The following MYH15 variants were observed in gnomAD, a reference collection of about 807,000 sequenced individuals.
MYH15 encodes myosin heavy chain 15, also known as myosin-15.
MYH15 carries 227 observed loss-of-function variants against 240.5 expected under a neutral mutation model. That is an observed-to-expected ratio of 0.94 (90% confidence interval 0.85 to 1.05). The LOEUF is 1.05. Among genes scored for constraint, MYH15 ranks in the 50% least tolerant of loss-of-function variants. MYH15 has a pLI of 0.00. For missense variants in MYH15, 2,217 were observed against 2,247.5 expected (o/e 0.99, Z 0.27); for synonymous variants, 785 against 796.7 (o/e 0.99, Z 0.25).
chr3:108,519,416 C>G (rs1358855646), intron 1 of MYH15, among the ~76,000 whole-genome samples: 1 of 152,140 alleles, frequency 6.6e-6, no homozygotes, highest in Non-Finnish European at 1.5e-5. Flanking sequence ...TCTTTAATAA[C>G]AGCTGGCTCA....
At chr3:108,543,003 C>T in the MYH15 span, among the ~76,000 whole-genome samples, 1 of 151,738 alleles carries the variant, frequency 6.6e-6, no homozygotes, top group Non-Finnish European at 1.5e-5. Context: ...GCCTCAGCCT[C>T]CTGAGTAGCT....
At chr3:108,517,744 A>G (rs2083585980) in intron 1 of MYH15, among the ~76,000 whole-genome samples, 2 of 152,248 alleles carry the variant, frequency 1.3e-5, no homozygotes, top group Admixed American at 1.3e-4. Flanking sequence ...CTGGGATTAC[A>G]GGTGTGAGCC....
Position 108,500,167 on chromosome 3 carries a change from G to A in MYH15, c.447C>T (p.Pro149=). The change falls in exon 4 of 41, where the codon CCC becomes CCT. Residue 149 remains proline, a synonymous_variant. Transcript: ENST00000693548. ...TATTGGCAACAGCAAAGATGTGAGG[G>A]GGAGCCTCTGATCGCCTCTTCCCTT... The part of the protein sequence containing the change: ...AYKGKRRSEA[P]PHIFAVANNA... The A allele has an allele frequency of 2.5e-6, 4 of 1,614,078 alleles. No homozygotes were observed. Among genetic ancestry groups the A allele is most frequent in the Non-Finnish European group, 2.5e-6 (3 of 1,179,960 alleles).
intron 25 of MYH15, among the ~76,000 whole-genome samples, chr3:108,431,977 T>C (rs1560356672): frequency 6.6e-6 from 1 of 152,144 alleles, no homozygotes; most frequent in Non-Finnish European, 1.5e-5. Flanking sequence ...TTCAGAGATA[T>C]GACTTAGGGT....
chr3:108,426,962 C>T (rs1221184059), intron 27 of MYH15, among the ~76,000 whole-genome samples: 1 of 152,218 alleles, frequency 6.6e-6, no homozygotes. Context: ...CCCTTTGTCA[C>T]CTCTTTTTTC....
intron 1 of MYH15, among the ~76,000 whole-genome samples, chr3:108,507,314 A>T (rs7616593): frequency 6.9e-6 from 1 of 145,364 alleles, no homozygotes; most frequent in Non-Finnish European, 1.5e-5. Context: ...AGCTCACAGA[A>T]GTCCCCAGGT....
In MYH15 at chr3:108,410,823, C is replaced by G. The variant is rs769342956; in HGVS notation, c.4255G>C (p.Asp1419His). 6 of 1,613,928 alleles carry G rather than the reference C, an allele frequency of 3.7e-6. No homozygotes were observed. In the East Asian group the frequency reaches 1.3e-4, roughly 36 times the overall value. ...ACCTTCCCGAGGTCAGACAGGGCGT[C>G]CCCGAGCTCCAGCTGCAGCTGGTGC... ...ARHQLQLELG[D>H]ALSDLGKVRS... is the part of the protein sequence containing the mutation. Residue 1419 changes from aspartate to histidine, a missense_variant, in exon 31 of 41, where the codon GAC (aspartate) becomes CAC (histidine). Physicochemically the swap from Asp to His is moderately conservative, Grantham distance 81. Coordinates refer to ENST00000693548, the MANE Select transcript of MYH15 (RefSeq NM_014981.3).
chr3:108,522,728 A>G (rs529899790), intron 1 of MYH15, among the ~76,000 whole-genome samples: 27 of 152,244 alleles, frequency 1.8e-4, no homozygotes, highest in Non-Finnish European at 4.0e-4. Flanking sequence ...AATGTTTTAT[A>G]GCGTTTACTA....
the MYH15 span, among the ~76,000 whole-genome samples, chr3:108,539,225 T>C: frequency 1.8e-3 from 268 of 152,316 alleles, 3 homozygotes; most frequent in Admixed American, 3.3e-3. Context: ...TCTCATATTA[T>C]TGAGTGAAAG....
chr3:108,508,247 T>C (rs987613635), intron 1 of MYH15, among the ~76,000 whole-genome samples: 8 of 152,162 alleles, frequency 5.3e-5, no homozygotes, highest in African/African-American at 1.9e-4. Flanking sequence ...TTACCACCCC[T>C]GGAAACACTT....
intron 29 of MYH15, 51 bp downstream of exon 29, chr3:108,416,761 A>T (rs2399232): frequency 0.065 from 796 of 12,184 alleles, 8 homozygotes; most frequent in East Asian, 0.5. Context: ...CTATTTTTTA[A>T]AAAAAAAAAC....
At chr3:108,480,325 C>CAA (rs1241605857) in intron 11 of MYH15, among the ~76,000 whole-genome samples, 4 of 152,156 alleles carry the variant, frequency 2.6e-5, no homozygotes, top group Admixed American at 2.6e-4. Flanking sequence ...TTGAAGAGTA[C>CAA]AAGGTATGGT....
At chr3:108,437,895 G>A (rs1384956782) in intron 24 of MYH15, among the ~76,000 whole-genome samples, 196 bp from the exon 25 acceptor site, 1 of 152,108 alleles carries the variant, frequency 6.6e-6, no homozygotes, top group East Asian at 1.9e-4. Context: ...GAAATCACAG[G>A]GATGGAAGAA....
chr3:108,470,868 A>G (rs2083168384), intron 12 of MYH15, 21 bp from the exon 13 acceptor site: 7 of 1,610,608 alleles, frequency 4.3e-6, no homozygotes, highest in Non-Finnish European at 5.9e-6. Context: ...CATTGAAAAC[A>G]CTCCTTCATC....
At chr3:108,415,467 C>T (rs2107551093) in intron 29 of MYH15, among the ~76,000 whole-genome samples, 1 of 152,216 alleles carries the variant, frequency 6.6e-6, no homozygotes. Context: ...AAAGGAAAAA[C>T]TTTTAAAACC....
chr3:108,423,112 T>A (rs776964922), intron 27 of MYH15, among the ~76,000 whole-genome samples: 14 of 151,882 alleles, frequency 9.2e-5, no homozygotes, highest in Admixed American at 5.9e-4. Context: ...AAGGCCAGAG[T>A]CCCTGCTTGA....
chr3:108,506,965 AG>A (rs1212362888), intron 1 of MYH15, among the ~76,000 whole-genome samples: 6 of 152,076 alleles, frequency 3.9e-5, no homozygotes, highest in African/African-American at 1.2e-4. Context: ...AGAGAGTCGG[AG>A]GTTGCAGTGA....
At chr3:108,498,274 A>G (rs2083409493) in intron 5 of MYH15, 129 bp from the exon 6 acceptor site, 1 of 751,530 alleles carries the variant, frequency 1.3e-6, no homozygotes, top group Non-Finnish European at 2.2e-6. Context: ...CTTCAGATGG[A>G]ACTTGAGGAT....
intron 1 of MYH15, among the ~76,000 whole-genome samples, chr3:108,509,334 AT>A (rs139455986): frequency 3.3e-4 from 50 of 151,596 alleles, no homozygotes; most frequent in Non-Finnish European, 6.0e-4. Context: ...CTTAGGCTCA[AT>A]TTTTTTTTCT....
Sources: gnomAD v4.1 joint callset for allele counts (sites outside exome capture counted in the v4.1 genomes callset) on GRCh38, gnomAD v4.1.1 for gene constraint, MANE v1.5 for transcripts, NCBI Gene and HGNC (gene_info 2026-07-23, HGNC 2026-07-21) for gene names.